Variants in MARK2 observed in about 807,000 individuals in gnomAD.
MARK2 encodes microtubule affinity regulating kinase 2, also known as serine/threonine-protein kinase MARK2.
A neutral mutation model predicts 89.8 loss-of-function variants in MARK2; 16 were observed. The observed-to-expected ratio is 0.18, with a 90% CI of 0.12 to 0.27. The LOEUF (loss-of-function observed/expected upper bound fraction) is 0.27. Ranked by LOEUF, MARK2 falls within the 10% of genes least tolerant of loss-of-function variation. The probability of loss-of-function intolerance (pLI) is 1.00; values close to 1 mark genes in which losing one functional copy is unlikely to be tolerated. For missense variants in MARK2, 621 were observed against 1,049.9 expected (o/e 0.59, Z 5.65); for synonymous variants, 382 against 399.5 (o/e 0.96, Z 0.52).
chr11:63,860,840 C>T (rs532322080), intron 1 of MARK2, among the ~76,000 whole-genome samples: 106 of 151,556 alleles, frequency 7.0e-4, no homozygotes, highest in African/African-American at 2.3e-3. Flanking sequence ...CCTCGGTGAC[C>T]GAGTGAGACT....
At chr11:63,848,408 C>T (rs1163100308) in intron 1 of MARK2, among the ~76,000 whole-genome samples, 2 of 152,086 alleles carry the variant, frequency 1.3e-5, no homozygotes, top group Non-Finnish European at 1.5e-5. Context: ...TTTTTTGAGA[C>T]GGAGTCTTGC....
chr11:63,887,923 A>G (rs188476057), intron 1 of MARK2, among the ~76,000 whole-genome samples: 420 of 152,328 alleles, frequency 2.8e-3, no homozygotes, highest in Non-Finnish European at 3.9e-3. Flanking sequence ...CCTAGGGATG[A>G]ACGTTCAGAA....
intron 1 of MARK2, among the ~76,000 whole-genome samples, chr11:63,861,158 G>A (rs1937747972): frequency 6.6e-6 from 1 of 152,064 alleles, no homozygotes; most frequent in Admixed American, 6.5e-5. Flanking sequence ...ATTTCGGGTT[G>A]GGTGCAGTGG....
At chr11:63,858,804 G>A (rs1347660610) in intron 1 of MARK2, among the ~76,000 whole-genome samples, 1 of 152,210 alleles carries the variant, frequency 6.6e-6, no homozygotes, top group South Asian at 2.1e-4. Flanking sequence ...TCGATTGGTT[G>A]ATTACTTGCT....
intron 1 of MARK2, among the ~76,000 whole-genome samples, chr11:63,884,389 GCCATGTCAGGTTTTT>G (rs796187237): frequency 6.4e-4 from 97 of 152,348 alleles, no homozygotes; most frequent in African/African-American, 2.2e-3. Flanking sequence ...CACCTCTTAT[GCCATGTCAGGTTTTT>G]CCCAGGCAGG....
intron 1 of MARK2, among the ~76,000 whole-genome samples, chr11:63,884,057 T>G (rs1455427743): frequency 6.6e-5 from 10 of 152,200 alleles, no homozygotes; most frequent in Admixed American, 6.5e-4. Flanking sequence ...TCTGTATAGT[T>G]TACCTCTTTT....
chr11:63,843,629 C>T (rs2016129580), intron 1 of MARK2, among the ~76,000 whole-genome samples: 1 of 151,598 alleles, frequency 6.6e-6, no homozygotes, highest in Non-Finnish European at 1.5e-5. Context: ...ATATATAAAA[C>T]TCTTTTTTTT....
chr11:63,869,325 C>G (rs1308528624), intron 1 of MARK2: 1 of 166,664 alleles, frequency 6.0e-6, no homozygotes, highest in Non-Finnish European at 1.3e-5. Flanking sequence ...AGGCAGCTCC[C>G]CACCTGGAAG....
At chr11:63,879,321 TA>T (rs1202898425) in intron 1 of MARK2, among the ~76,000 whole-genome samples, 2 of 152,014 alleles carry the variant, frequency 1.3e-5, no homozygotes, top group African/African-American at 2.4e-5. Context: ...AAAAAACATT[TA>T]AAAAATCACA....
intron 1 of MARK2, chr11:63,882,454 A>AAG (rs1939151577): frequency 6.6e-6 from 1 of 152,002 alleles, no homozygotes; most frequent in South Asian, 2.1e-4. Context: ...ATGGTGGCGC[A>AAG]TACCTGTAAT....
At chr11:63,895,791 T>G (rs541712673) in intron 3 of MARK2, among the ~76,000 whole-genome samples, 158 bp downstream of exon 3, 17 of 149,566 alleles carry the variant, frequency 1.1e-4, no homozygotes, top group Non-Finnish European at 2.4e-4. Context: ...CGCCTCAGCC[T>G]CCCGAGTAGC....
At chr11:63,846,586 C>G (rs1158703000) in intron 1 of MARK2, among the ~76,000 whole-genome samples, 3 of 151,780 alleles carry the variant, frequency 2.0e-5, no homozygotes, top group Non-Finnish European at 4.4e-5. Context: ...GAACTCATGA[C>G]CTCGTGATCT....
At chr11:63,858,194 T>G (rs1165903487) in intron 1 of MARK2, among the ~76,000 whole-genome samples, 2 of 152,112 alleles carry the variant, frequency 1.3e-5, no homozygotes, top group Non-Finnish European at 2.9e-5. Flanking sequence ...ACTTGGCTCA[T>G]TTTTGTATTT....
intron 1 of MARK2, among the ~76,000 whole-genome samples, chr11:63,886,988 G>A (rs2135303396): frequency 6.6e-6 from 1 of 152,368 alleles, no homozygotes; most frequent in South Asian, 2.1e-4. Flanking sequence ...AGGATCCAGT[G>A]GGCCCACTGA....
chr11:63,905,301 G>T (rs1279143338), intron 16 of MARK2, among the ~76,000 whole-genome samples: 3 of 152,248 alleles, frequency 2.0e-5, no homozygotes. Flanking sequence ...GGCCGATGCC[G>T]CCTCCTCTCT....
chr11:63,846,212 T>C (rs888005997), intron 1 of MARK2, among the ~76,000 whole-genome samples: 6 of 152,024 alleles, frequency 3.9e-5, no homozygotes, highest in Admixed American at 6.6e-5. Flanking sequence ...TCTGTTTTTG[T>C]CTGGAATGTT....
intron 1 of MARK2, among the ~76,000 whole-genome samples, chr11:63,862,876 C>A (rs78785581): frequency 2.8e-5 from 4 of 142,332 alleles, no homozygotes; most frequent in Non-Finnish European, 6.2e-5. Flanking sequence ...CCAAAAAAAA[C>A]CCCACTAAAC....
At chr11:63,856,876 C>T (rs182823871) in intron 1 of MARK2, among the ~76,000 whole-genome samples, 415 of 145,078 alleles carry the variant, frequency 2.9e-3, no homozygotes, top group African/African-American at 0.01. Flanking sequence ...GGCGCCATCT[C>T]GGCTCACTGC....
chr11:63,877,283 G>C (rs1938824594), intron 1 of MARK2, among the ~76,000 whole-genome samples: 1 of 151,240 alleles, frequency 6.6e-6, no homozygotes, highest in Admixed American at 6.6e-5. Context: ...GCTGATTTTT[G>C]TATTTTTAGT....
Sources: allele counts gnomAD v4.1 joint callset (sites outside exome capture counted in the v4.1 genomes callset), GRCh38; gene constraint gnomAD v4.1.1; transcripts MANE v1.5; gene names NCBI Gene and HGNC (gene_info 2026-07-23, HGNC 2026-07-21).